RGS5: variants seen among roughly 807,000 people sequenced by gnomAD.
RGS5 encodes regulator of G-protein signalling 5.
RGS5 carries 20 observed loss-of-function variants against 18.9 expected under a neutral mutation model. The ratio of observed to expected loss-of-function variants is 1.06; its 90% confidence interval spans 0.74 to 1.54. RGS5 has a LOEUF of 1.54. Among genes scored for constraint, RGS5 ranks in the 40% most tolerant of loss-of-function variants. RGS5 has a pLI of 0.00. For missense variants in RGS5, 201 were observed against 211.8 expected (o/e 0.95, Z 0.32); for synonymous variants, 57 against 76.2 (o/e 0.75, Z 1.31).
intron 1 of RGS5, among the ~76,000 whole-genome samples, chr1:163,195,670 TA>T (rs779178773): frequency 6.6e-5 from 10 of 151,918 alleles, no homozygotes; most frequent in African/African-American, 9.7e-5. Flanking sequence ...AATTTATCTT[TA>T]TTTTTTTTTA....
At chr1:163,171,065 C>A (rs572545666) in intron 1 of RGS5, among the ~76,000 whole-genome samples, 310 of 152,248 alleles carry the variant, frequency 2.0e-3, no homozygotes, top group African/African-American at 7.2e-3. Context: ...ACTACACAAT[C>A]ATTTTTCCAA....
intron 2 of RGS5, among the ~76,000 whole-genome samples, chr1:163,231,209 A>T (rs966903641): frequency 1.3e-5 from 2 of 152,236 alleles, no homozygotes; most frequent in African/African-American, 4.8e-5. Flanking sequence ...TAAAAAAATG[A>T]AAAACATTAC....
chr1:163,269,771 ATT>A (rs1648670272), intron 2 of RGS5, among the ~76,000 whole-genome samples: 1 of 152,176 alleles, frequency 6.6e-6, no homozygotes. Flanking sequence ...TTTTTAAACT[ATT>A]ATTTGGAAGA....
chr1:163,283,309 A>C (rs1158649061), intron 2 of RGS5, among the ~76,000 whole-genome samples: 3 of 152,208 alleles, frequency 2.0e-5, no homozygotes, highest in Non-Finnish European at 4.4e-5. Context: ...TTCACAACAC[A>C]AAGAAATGAT....
intron 2 of RGS5, among the ~76,000 whole-genome samples, chr1:163,254,402 A>T (rs1378644515): frequency 5.9e-5 from 9 of 152,220 alleles, no homozygotes; most frequent in African/African-American, 2.2e-4. Context: ...TGATGGCCAG[A>T]GATGGTGAGC....
chr1:163,181,335 A>G (rs1658838728), intron 1 of RGS5, among the ~76,000 whole-genome samples: 1 of 152,128 alleles, frequency 6.6e-6, no homozygotes, highest in South Asian at 2.1e-4. Flanking sequence ...CCTCTATGCC[A>G]GTTTAATACT....
rs1649305707 is a variant in RGS5, at chr1:163,292,151, C to T, written c.-281+14082G>A. On this transcript the variant is annotated intron_variant, in intron 2 of 5. Coordinates refer to the RGS5 transcript ENST00000618415. ...GCCGAGCATCCATTAGCTACTCTACCTTATCTTCTCTCTCTTCTACCCCCC... is the reference window on the plus strand; with the variant it reads ...GCCGAGCATCCATTAGCTACTCTACTTTATCTTCTCTCTCTTCTACCCCCC... 2.0e-5 allele frequency among the ~76,000 whole-genome samples: 3 copies of T among 152,078 alleles called. No homozygotes were observed. In the South Asian group the frequency reaches 6.2e-4, roughly 32 times the overall value.
At position 163,202,781 on chromosome 1, in the gene RGS5, T is replaced by C; in HGVS notation, c.44+11A>G. 1 of 1,613,118 alleles carries C rather than the reference T, an allele frequency of 6.2e-7. No homozygotes were observed. Among genetic ancestry groups the C allele is most frequent in the Non-Finnish European group, 8.5e-7 (1 of 1,179,386 alleles). On this transcript the variant is annotated intron_variant, in intron 1 of 4. Coordinates refer to ENST00000313961, the MANE Select transcript of RGS5 (RefSeq NM_003617.4). ...TCTGCATCTCTTAAACAAAAATAAC[T>C]TGGTTCTCACCTTTCCAGGCATGAG...
chr1:163,295,818 G>A (rs1419935824), intron 2 of RGS5, among the ~76,000 whole-genome samples: 1 of 152,184 alleles, frequency 6.6e-6, no homozygotes, highest in African/African-American at 2.4e-5. Context: ...GTGAGGCTTT[G>A]AAGCCTTAAT....
At chr1:163,227,492 T>C (rs1292701173) in intron 2 of RGS5, among the ~76,000 whole-genome samples, 1 of 152,134 alleles carries the variant, frequency 6.6e-6, no homozygotes, top group African/African-American at 2.4e-5. Flanking sequence ...TTCAATTACC[T>C]CTACCTGGTC....
At chr1:163,253,472 C>CTT (rs35268118) in intron 2 of RGS5, among the ~76,000 whole-genome samples, 1 of 137,714 alleles carries the variant, frequency 7.3e-6, no homozygotes. Context: ...CCATGCCCAA[C>CTT]TTTTTTTTTT....
chr1:163,294,240 C>A (rs1649366166), intron 2 of RGS5, among the ~76,000 whole-genome samples: 1 of 152,232 alleles, frequency 6.6e-6, no homozygotes, highest in African/African-American at 2.4e-5. Context: ...GCTGCCCCTG[C>A]AGCAGACTTC....
intron 2 of RGS5, among the ~76,000 whole-genome samples, chr1:163,229,268 AG>A (rs1011530669): frequency 6.6e-6 from 1 of 152,184 alleles, no homozygotes; most frequent in Non-Finnish European, 1.5e-5. Flanking sequence ...ATCTCTTCAC[AG>A]GGCAGCAGGG....
At chr1:163,303,106 A>G (rs1649593686) in intron 2 of RGS5, among the ~76,000 whole-genome samples, 1 of 152,234 alleles carries the variant, frequency 6.6e-6, no homozygotes, top group South Asian at 2.1e-4. Context: ...TTTTAATTTC[A>G]AATGGAGAAA....
At chr1:163,276,413 TCA>T (rs1648855390) in intron 2 of RGS5, among the ~76,000 whole-genome samples, 1 of 152,192 alleles carries the variant, frequency 6.6e-6, no homozygotes, top group African/African-American at 2.4e-5. Flanking sequence ...TACAATACTC[TCA>T]GTTATGAGTT....
At chr1:163,274,358 C>CTTCTACGGCAATAAGATACAGAGAGT (rs142692647) in intron 2 of RGS5, among the ~76,000 whole-genome samples, 1 of 152,156 alleles carries the variant, frequency 6.6e-6, no homozygotes, top group Non-Finnish European at 1.5e-5. Flanking sequence ...ATACAGAGAG[C>CTTCTACGGCAATAAGATACAGAGAGT]TTCTACGTTG....
At chr1:163,183,207 T>C (rs543132796) in intron 1 of RGS5, among the ~76,000 whole-genome samples, 9 of 152,220 alleles carry the variant, frequency 5.9e-5, no homozygotes, top group Non-Finnish European at 8.8e-5. Flanking sequence ...TTCTGAAGCA[T>C]AGAATTAGAT....
intron 2 of RGS5, among the ~76,000 whole-genome samples, chr1:163,165,038 G>A (rs187080161): frequency 3.0e-4 from 45 of 152,180 alleles, no homozygotes; most frequent in African/African-American, 1.0e-3. Context: ...AGCATTTATT[G>A]AGCCCTTACC....
chr1:163,157,344 G>A (rs558396510), intron 3 of RGS5, among the ~76,000 whole-genome samples: 2 of 152,298 alleles, frequency 1.3e-5, no homozygotes, highest in South Asian at 4.1e-4. Context: ...AAAACAGATG[G>A]TGCCACCTAA....
Sources: allele counts gnomAD v4.1 joint callset (sites outside exome capture counted in the v4.1 genomes callset), GRCh38; gene constraint gnomAD v4.1.1; transcripts MANE v1.5; gene names NCBI Gene and HGNC (gene_info 2026-07-23, HGNC 2026-07-21).